The following LINGO1 variants were observed in gnomAD, a reference collection of about 807,000 sequenced individuals.
LINGO1 encodes leucine rich repeat and Ig domain containing 1, also known as leucine-rich repeat and immunoglobulin-like domain-containing nogo receptor-interacting protein 1.
In LINGO1, 11 loss-of-function variants were observed where a neutral mutation model predicts 37.3. That is an observed-to-expected ratio of 0.29 (90% CI 0.19 to 0.49). The LOEUF (loss-of-function observed/expected upper bound fraction) is 0.49, where lower values mean the gene tolerates loss of function less well. LINGO1 is among the 20% of genes least tolerant of loss of function. LINGO1 has a pLI of 0.99. For missense variants in LINGO1, 585 were observed against 878.2 expected (o/e 0.67, Z 4.22); for synonymous variants, 387 against 403.0 (o/e 0.96, Z 0.48).
intron 3 of LINGO1, among the ~76,000 whole-genome samples, chr15:77,640,826 CCTCA>C (rs1446950402): frequency 8.9e-6 from 1 of 112,046 alleles, no homozygotes; most frequent in Non-Finnish European, 1.8e-5. Flanking sequence ...CCATTCATCT[CCTCA>C]TTCATTCATT....
At position 77,614,836 on chromosome 15, in the gene LINGO1, C is replaced by G. The variant is rs760113794; in HGVS notation, c.1071G>C (p.Ser357=). 5 of 1,613,088 alleles carry G rather than the reference C, an allele frequency of 3.1e-6. No homozygotes were observed. The South Asian group carries it at 3.3e-5, about 11-fold the overall frequency. Residue 357 remains serine (S), a synonymous_variant, in exon 2 of 2, where the codon TCG becomes TCC. Coordinates refer to ENST00000355300, the MANE Select transcript of LINGO1 (RefSeq NM_032808.7). The part of the protein sequence containing the change: ...LTTLEESVFH[S]VGNLETLILD... ...GGATGAGTGTCTCCAGGTTGCCCAC[C>G]GAGTGGAAGACTGATTCCTCCAGTG...
chr15:77,707,458 A>T (rs1399364806), intron 2 of LINGO1: 1 of 152,252 alleles, frequency 6.6e-6, no homozygotes, highest in Non-Finnish European at 1.5e-5. Context: ...CAGAATGGCC[A>T]CATGGCTTGC....
intron 1 of LINGO1, among the ~76,000 whole-genome samples, chr15:77,801,537 G>A (rs1596244830): frequency 6.6e-6 from 1 of 151,944 alleles, no homozygotes; most frequent in African/African-American, 2.4e-5. Context: ...TTCCACAAAT[G>A]TATTGTTGGG....
chr15:77,736,240 G>C (rs2076202926), intron 1 of LINGO1, among the ~76,000 whole-genome samples: 1 of 151,798 alleles, frequency 6.6e-6, no homozygotes, highest in Non-Finnish European at 1.5e-5. Context: ...ACAGACATAG[G>C]GGTATATACC....
rs528612036 is a variant in LINGO1 at position 77,794,349 on chromosome 15, TAC to T, written c.-343+1588_-343+1589del. 7.5e-4 allele frequency among the ~76,000 whole-genome samples: 91 copies of T among 120,900 alleles called. 6 individuals are homozygous for T. The highest frequency in any genetic ancestry group is 2.7e-3 in the African/African-American group (83 of 30,562). 79.3% of individuals were successfully genotyped at this position (120,900 alleles called of 152,430 possible). A position where few individuals can be genotyped will look rare whatever the true frequency, so the allele number is the denominator to read the frequency against. On this transcript the variant is annotated intron_variant, in intron 2 of 5. Coordinates refer to the LINGO1 transcript ENST00000562933. ...ACATATATGTATATACATACATATA[TAC>T]GTATATATGTGTATATACATACGTA...
chr15:77,649,826 A>G (rs1370568207), intron 3 of LINGO1, among the ~76,000 whole-genome samples: 6 of 152,104 alleles, frequency 3.9e-5, no homozygotes, highest in Admixed American at 2.6e-4. Flanking sequence ...GGTGATAGCC[A>G]CCAAGGGGAG....
At position 77,769,870 on chromosome 15, in the gene LINGO1, G is replaced by A. The variant is rs148390155; in HGVS notation, c.-257+16999C>T. On this transcript the variant is annotated intron_variant, in intron 1 of 3. Transcript: ENST00000561686. Reference sequence around the variant, plus strand: ...GCCATGTCCTACACGTGCAGCAGACGTGAGCCTGTGCAATTCTGAGACCTG... The same window carrying A: ...GCCATGTCCTACACGTGCAGCAGACATGAGCCTGTGCAATTCTGAGACCTG... Among the ~76,000 whole-genome samples, 742 of 152,300 alleles carry A rather than the reference G, an allele frequency of 4.9e-3. 3 individuals are homozygous for A. Among genetic ancestry groups the A allele is most frequent in the Non-Finnish European group, 7.7e-3 (526 of 68,026 alleles).
chr15:77,681,440 A>G (rs1409500924), intron 2 of LINGO1, among the ~76,000 whole-genome samples: 1 of 152,114 alleles, frequency 6.6e-6, no homozygotes, highest in African/African-American at 2.4e-5. Context: ...CCAAAGTCCA[A>G]CTGAGCATCT....
intron 1 of LINGO1, among the ~76,000 whole-genome samples, chr15:77,775,108 G>A (rs899720973): frequency 6.6e-6 from 1 of 152,188 alleles, no homozygotes; most frequent in African/African-American, 2.4e-5. Context: ...GGGAACTGGG[G>A]ATGGCAGCAC....
intron 2 of LINGO1, among the ~76,000 whole-genome samples, chr15:77,721,758 C>G (rs1411699605): frequency 6.6e-6 from 1 of 152,120 alleles, no homozygotes; most frequent in African/African-American, 2.4e-5. Flanking sequence ...GGCTTGGGGA[C>G]CAGGCTTGGG....
chr15:77,625,531 T>C (rs994260148), intron 1 of LINGO1, among the ~76,000 whole-genome samples: 3 of 152,160 alleles, frequency 2.0e-5, no homozygotes, highest in African/African-American at 7.2e-5. Flanking sequence ...AGTGCCTCTT[T>C]TTTTTAAAAG....
At chr15:77,629,576 T>C (rs932433709) in intron 1 of LINGO1, among the ~76,000 whole-genome samples, 1 of 152,212 alleles carries the variant, frequency 6.6e-6, no homozygotes, top group Non-Finnish European at 1.5e-5. Context: ...GTACCCTGTC[T>C]GTCTCTTCTC....
chr15:77,652,804 G>C (rs2074790730), intron 3 of LINGO1, among the ~76,000 whole-genome samples: 1 of 152,218 alleles, frequency 6.6e-6, no homozygotes, highest in Non-Finnish European at 1.5e-5. Flanking sequence ...CCTACAGCCT[G>C]TCTGGTCTGT....
chr15:77,696,137 G>T (rs1395199486), intron 1 of LINGO1: 1 of 152,178 alleles, frequency 6.6e-6, no homozygotes, highest in African/African-American at 2.4e-5. Context: ...GTATAATGGG[G>T]AATTATCCTC....
At chr15:77,727,276 G>A (rs1217425861) in intron 2 of LINGO1, among the ~76,000 whole-genome samples, 1 of 152,198 alleles carries the variant, frequency 6.6e-6, no homozygotes, top group African/African-American at 2.4e-5. Context: ...TCTCAAAAGA[G>A]GTATGTGCAC....
At chr15:77,707,286 G>C (rs1425591670) in intron 2 of LINGO1, 1 of 152,208 alleles carries the variant, frequency 6.6e-6, no homozygotes. Context: ...AGAAAGAAAA[G>C]GGTCTCCACG....
intron 1 of LINGO1, among the ~76,000 whole-genome samples, chr15:77,760,311 C>T (rs1394456364): frequency 6.6e-6 from 1 of 152,182 alleles, no homozygotes; most frequent in Non-Finnish European, 1.5e-5. Context: ...CTAAGGGTGT[C>T]CAGGCTCCCG....
At chr15:77,784,126 T>C (rs1280771542) in intron 1 of LINGO1, among the ~76,000 whole-genome samples, 1 of 152,206 alleles carries the variant, frequency 6.6e-6, no homozygotes, top group African/African-American at 2.4e-5. Context: ...GGACCCTCCT[T>C]TGGGTGGTCT....
chr15:77,776,731 T>C (rs1458832127), intron 1 of LINGO1, among the ~76,000 whole-genome samples: 1 of 152,198 alleles, frequency 6.6e-6, no homozygotes, highest in African/African-American at 2.4e-5. Context: ...TGAAACCAGA[T>C]CTTTGGACTG....
Sources: gnomAD v4.1 joint callset for allele counts (sites outside exome capture counted in the v4.1 genomes callset) on GRCh38, gnomAD v4.1.1 for gene constraint, MANE v1.5 for transcripts, NCBI Gene and HGNC (gene_info 2026-07-23, HGNC 2026-07-21) for gene names.